Variants in IGF2BP2 observed in about 807,000 individuals in gnomAD.
IGF2BP2 encodes insulin-like growth factor 2 mRNA-binding protein 2.
A neutral mutation model predicts 75.8 loss-of-function variants in IGF2BP2; 17 were observed. The ratio of observed to expected loss-of-function variants is 0.22; its 90% confidence interval spans 0.15 to 0.34. The LOEUF is 0.34. IGF2BP2 is among the 10% of genes least tolerant of loss of function. The pLI is 1.00. For missense variants in IGF2BP2, 516 were observed against 772.4 expected (o/e 0.67, Z 3.93); for synonymous variants, 288 against 295.6 (o/e 0.97, Z 0.26).
intron 10 of IGF2BP2, among the ~76,000 whole-genome samples, chr3:185,665,169 T>TAAA (rs869141172): frequency 3.9e-4 from 38 of 96,758 alleles, no homozygotes; most frequent in Non-Finnish European, 7.2e-4. Context: ...CCCTGTTTCT[T>TAAA]AAAAAAAAAA....
chr3:185,710,259 A>C (rs1334650450), intron 2 of IGF2BP2, among the ~76,000 whole-genome samples: 1 of 149,894 alleles, frequency 6.7e-6, no homozygotes, highest in Non-Finnish European at 1.5e-5. Flanking sequence ...ATGGTATCAT[A>C]GAGTCACTGT....
intron 1 of IGF2BP2, among the ~76,000 whole-genome samples, chr3:185,824,542 C>A (rs1349976180): frequency 1.6e-5 from 2 of 124,608 alleles, no homozygotes; most frequent in African/African-American, 6.4e-5. Context: ...CGGAGCGGCA[C>A]GGGGGGCGCC....
At chr3:185,767,310 G>C (rs1420470990) in intron 2 of IGF2BP2, among the ~76,000 whole-genome samples, 4 of 152,192 alleles carry the variant, frequency 2.6e-5, no homozygotes, top group African/African-American at 9.7e-5. Context: ...ACGATGACCA[G>C]AGACCAACAC....
intron 2 of IGF2BP2, among the ~76,000 whole-genome samples, chr3:185,793,661 A>C (rs2149878723): frequency 6.6e-6 from 1 of 152,312 alleles, no homozygotes; most frequent in South Asian, 2.1e-4. Context: ...GGGTTGCTGA[A>C]AACAAGGAAA....
At chr3:185,739,624 C>T (rs1200680428) in intron 2 of IGF2BP2, among the ~76,000 whole-genome samples, 1 of 152,052 alleles carries the variant, frequency 6.6e-6, no homozygotes, top group African/African-American at 2.4e-5. Flanking sequence ...AGTCAGGGAG[C>T]TCTAAGGGAA....
intron 2 of IGF2BP2, among the ~76,000 whole-genome samples, chr3:185,711,452 A>G (rs939416722): frequency 6.6e-5 from 10 of 152,134 alleles, no homozygotes; most frequent in African/African-American, 1.7e-4. Context: ...GATTCACACT[A>G]TCTTCTGAGT....
chr3:185,650,602 G>A (rs549399067), intron 13 of IGF2BP2, among the ~76,000 whole-genome samples: 6 of 151,726 alleles, frequency 4.0e-5, no homozygotes, highest in Non-Finnish European at 7.4e-5. Flanking sequence ...ACTTGAACCC[G>A]AGAGATGGAG....
intron 4 of IGF2BP2, among the ~76,000 whole-genome samples, chr3:185,694,930 T>A (rs1472421737): frequency 6.6e-6 from 1 of 152,088 alleles, no homozygotes; most frequent in Non-Finnish European, 1.5e-5. Flanking sequence ...CTACTAAAAC[T>A]ACAAAAATTA....
intron 7 of IGF2BP2, among the ~76,000 whole-genome samples, chr3:185,676,955 G>GAT (rs1261812820): frequency 2.2e-5 from 3 of 137,972 alleles, no homozygotes; most frequent in Non-Finnish European, 4.6e-5. Context: ...TATATATGGA[G>GAT]ATATATATAC....
At chr3:185,808,132 AAAAG>A (rs144961186) in intron 2 of IGF2BP2, among the ~76,000 whole-genome samples, 30,071 of 128,186 alleles carry the variant, frequency 0.23, 3,618 homozygotes, top group African/African-American at 0.4. Context: ...AAAAAAAAAA[AAAAG>A]AAAGAAAGAA....
chr3:185,799,312 C>T (rs1353568545), intron 2 of IGF2BP2, among the ~76,000 whole-genome samples: 4 of 152,104 alleles, frequency 2.6e-5, no homozygotes, highest in Non-Finnish European at 4.4e-5. Context: ...GTGGGAGAAT[C>T]GCTTGAGCCC....
At chr3:185,797,226 A>G (rs958251908) in intron 2 of IGF2BP2, among the ~76,000 whole-genome samples, 1 of 152,228 alleles carries the variant, frequency 6.6e-6, no homozygotes, top group Non-Finnish European at 1.5e-5. Flanking sequence ...GAACCTACTC[A>G]GCCCTTACAA....
intron 2 of IGF2BP2, among the ~76,000 whole-genome samples, chr3:185,757,997 T>G (rs895697467): frequency 6.6e-6 from 1 of 152,224 alleles, no homozygotes; most frequent in Non-Finnish European, 1.5e-5. Context: ...CAAAATCAAC[T>G]GGGCCAACTG....
Position 185,672,603 on chromosome 3 carries a change from C to A in IGF2BP2, c.1138G>T (p.Val380Leu). 2 of 1,613,602 alleles carry A rather than the reference C, an allele frequency of 1.2e-6. No individual in the cohort carries two copies. Among genetic ancestry groups the A allele is most frequent in the African/African-American group, 1.3e-5 (1 of 75,012 alleles). The change falls in exon 10 of 16, where the codon GTG becomes TTG. Residue 380 changes from valine (V) to leucine (L), a missense_variant. Transcript: ENST00000382199. ...ALGIFSTGLS[V>L]LSPPAGPRGA... ...CGGGGCCCTGCTGGTGGAGATAGCA[C>A]GGACAGTCCTGTTGAAAAGATGCCA...
intron 2 of IGF2BP2, among the ~76,000 whole-genome samples, chr3:185,744,699 C>T (rs1053832457): frequency 2.0e-5 from 3 of 152,122 alleles, no homozygotes; most frequent in Non-Finnish European, 4.4e-5. Flanking sequence ...ATCTCAGCTA[C>T]TTGGGAGGCT....
At chr3:185,710,069 G>A (rs1724580044) in intron 2 of IGF2BP2, among the ~76,000 whole-genome samples, 1 of 151,142 alleles carries the variant, frequency 6.6e-6, no homozygotes. Context: ...CAGCAATTCT[G>A]AGAACTTAAT....
intron 10 of IGF2BP2, among the ~76,000 whole-genome samples, chr3:185,660,722 C>T (rs906308626): frequency 6.6e-6 from 1 of 152,214 alleles, no homozygotes; most frequent in African/African-American, 2.4e-5. Flanking sequence ...CTGGAAAGAA[C>T]ATCAGCTCCA....
intron 2 of IGF2BP2, chr3:185,724,483 G>C (rs1339278889): frequency 2.0e-5 from 3 of 152,196 alleles, no homozygotes; most frequent in Non-Finnish European, 4.4e-5. Flanking sequence ...GTTCAGACTG[G>C]AGTCAAAGGT....
rs1714692197 is a variant in IGF2BP2 at position 185,652,078 on chromosome 3, G to A, written c.1461+16C>T. On this transcript the variant is annotated intron_variant, in intron 13 of 15. Coordinates refer to ENST00000382199, the MANE Select transcript of IGF2BP2 (RefSeq NM_006548.6). ...TGCCCAGAGCCTGCAGGGCTGAGGT[G>A]TCCCTTGGCACTAACCTTGAACTGG... The A allele has an allele frequency of 1.2e-6, 2 of 1,605,990 alleles. No homozygotes were observed. Among genetic ancestry groups the A allele is most frequent in the Admixed American group, 1.7e-5 (1 of 59,622 alleles).
Sources: allele counts gnomAD v4.1 joint callset (sites outside exome capture counted in the v4.1 genomes callset), GRCh38; gene constraint gnomAD v4.1.1; transcripts MANE v1.5; gene names NCBI Gene and HGNC (gene_info 2026-07-23, HGNC 2026-07-21).